The following CR1 variants were observed in gnomAD, a reference collection of about 807,000 sequenced individuals.
The protein encoded by CR1 is complement C3b/C4b receptor 1 (Knops blood group).
A neutral mutation model predicts 187.3 loss-of-function variants in CR1; 116 were observed. The observed-to-expected ratio is 0.62, with a 90% confidence interval of 0.53 to 0.72. The LOEUF (loss-of-function observed/expected upper bound fraction) is 0.72, where lower values mean the gene tolerates loss of function less well. Among genes scored for constraint, CR1 ranks in the 30% least tolerant of loss-of-function variants. The pLI, the probability that CR1 is intolerant of heterozygous loss-of-function variation, is 0.00. For synonymous variants in CR1, 576 were observed against 747.1 expected (o/e 0.77, Z 3.73); for missense variants, 1,731 against 2,110.7 (o/e 0.82, Z 3.52).
At chr1:207,591,742 A>G (rs1240310943) in intron 35 of CR1, among the ~76,000 whole-genome samples, 2 of 152,190 alleles carry the variant, frequency 1.3e-5, no homozygotes, top group Non-Finnish European at 2.9e-5. Flanking sequence ...AATAGACACA[A>G]TAAAAAATGA....
At chr1:207,591,529 G>A (rs768571918) in intron 35 of CR1, among the ~76,000 whole-genome samples, 16 of 151,942 alleles carry the variant, frequency 1.1e-4, no homozygotes, top group Non-Finnish European at 2.2e-4. Flanking sequence ...CCCTGACATC[G>A]CAATTAAAGA....
Position 207,619,960 on chromosome 1 carries a change from T to A in CR1, c.7147T>A (p.Tyr2383Asn). The A allele has an allele frequency of 6.2e-7, 1 of 1,613,130 alleles. No homozygotes were observed. The highest frequency in any genetic ancestry group is 8.5e-7 in the Non-Finnish European group (1 of 1,179,514). Reference protein sequence around the residue: ...EMKKVYHYGDYVTLKCEDGYT... With the variant: ...EMKKVYHYGDNVTLKCEDGYT... ...GAAAAAAGTATATCACTATGGAGAT[T>A]ATGTGACTTTGAAGTGTGAAGATGG... The change falls in exon 43 of 47, where the codon TAT becomes AAT. Residue 2383 changes from tyrosine to asparagine, a missense_variant. By Grantham distance (143) the Tyr-to-Asn change is moderately radical. Coordinates refer to ENST00000367049, the MANE Select transcript of CR1 (RefSeq NM_000651.6).
At position 207,565,856 on chromosome 1, in the gene CR1, C is replaced by A. The variant is rs778669699; in HGVS notation, c.3885C>A (p.Ser1295Arg). The A allele has an allele frequency of 1.9e-6, 3 of 1,610,856 alleles. No individual in the cohort carries two copies. The Admixed American group carries it at 5.0e-5, about 27-fold the overall frequency. Residue 1295 changes from serine to arginine, a missense_variant, in exon 24 of 47, where the codon AGC becomes AGA. Physicochemically the swap from Ser to Arg is moderately radical, Grantham distance 110 (BLOSUM62 -1). This residue lies in a region of CR1 where 1,312 missense variants were observed against 1,379.6 expected (regional missense o/e 0.95). Transcript: ENST00000367049. ...VCDEGFQLKG[S>R]SASYCVLAGM... ...TCTTTAGATTTCAATTAAAAGGCAG[C>A]TCTGCTAGTTATTGTGTCTTGGCTG...
chr1:207,585,302 T>C (rs1021237567), intron 33 of CR1, among the ~76,000 whole-genome samples: 2 of 152,212 alleles, frequency 1.3e-5, no homozygotes, highest in Non-Finnish European at 2.9e-5. Context: ...GTGGATATTA[T>C]TTAGCTAAGG....
intron 35 of CR1, among the ~76,000 whole-genome samples, chr1:207,593,022 A>G (rs1174771622): frequency 2.7e-5 from 4 of 147,012 alleles, no homozygotes; most frequent in Admixed American, 6.8e-5. Flanking sequence ...ATACTGCCCA[A>G]GGTAATTTAT....
chr1:207,497,153 A>C (rs1659113954), intron 1 of CR1, among the ~76,000 whole-genome samples: 2 of 152,250 alleles, frequency 1.3e-5, no homozygotes, highest in Non-Finnish European at 2.9e-5. Flanking sequence ...GAAGCCCCAG[A>C]ACATGCAATG....
chr1:207,520,150 T>G (rs1220804028), intron 4 of CR1, among the ~76,000 whole-genome samples: 1 of 152,252 alleles, frequency 6.6e-6, no homozygotes, highest in Admixed American at 6.5e-5. Flanking sequence ...TGTTTAGCTT[T>G]CTCATGCCAG....
Position 207,575,680 on chromosome 1 carries a change from C to A in CR1, c.4537C>A (p.Arg1513=), listed in dbSNP as rs374550920. 57 of 1,611,668 alleles carry A rather than the reference C, an allele frequency of 3.5e-5. No homozygotes were observed. The African/African-American group carries it at 6.3e-4, about 18-fold the overall frequency. The change falls in exon 28 of 47, where the codon CGA becomes AGA. Residue 1513 remains arginine, a splice_region_variant and synonymous_variant. Transcript: ENST00000367049. The part of the protein sequence containing the change: ...HWSTKPPICQ[R]IPCGLPPTIA... ...GAGCACGAAGCCGCCAATTTGTCAA[C>A]GTGAGTTGAAATCTCTTTCCCCATT...
chr1:207,622,933 G>A, intron 44 of CR1, 60 bp from the exon 45 acceptor site: 1 of 1,227,078 alleles, frequency 8.1e-7, no homozygotes, highest in South Asian at 1.3e-5. Context: ...TACTAAGATA[G>A]AATTTAAAAC....
At chr1:207,577,484 A>T (rs541212754) in intron 28 of CR1, among the ~76,000 whole-genome samples, 42 of 152,182 alleles carry the variant, frequency 2.8e-4, no homozygotes, top group Non-Finnish European at 8.8e-5. Context: ...ATTATTAGAA[A>T]CCAGGCTGGG....
intron 28 of CR1, among the ~76,000 whole-genome samples, chr1:207,577,263 A>AAG (rs1376949691): frequency 1.4e-5 from 2 of 146,348 alleles, no homozygotes; most frequent in African/African-American, 5.2e-5. Context: ...CAAACAAACA[A>AAG]ACAAAAAAAA....
chr1:207,632,514 C>G (rs1386372349), intron 46 of CR1, among the ~76,000 whole-genome samples: 1 of 152,110 alleles, frequency 6.6e-6, no homozygotes, highest in Admixed American at 6.5e-5. Flanking sequence ...GACGGCTGGG[C>G]GCTGTGGCTC....
chr1:207,587,589 T>C, intron 34 of CR1, 24 bp downstream of exon 34: 1 of 1,605,874 alleles, frequency 6.2e-7, no homozygotes, highest in Non-Finnish European at 8.5e-7. Context: ...CCCTGGGAAC[T>C]ACTTCATGTC....
chr1:207,628,983 T>G (rs1161804301), intron 45 of CR1, among the ~76,000 whole-genome samples: 1 of 152,236 alleles, frequency 6.6e-6, no homozygotes, highest in African/African-American at 2.4e-5. Context: ...TTAATCTCAC[T>G]GCCTTGTTAT....
chr1:207,622,952 T>C lies in CR1; in HGVS notation c.7277-41T>C, dbSNP rs754234766. The C allele has an allele frequency of 2.9e-5, 40 of 1,398,122 alleles. No homozygotes were observed. The South Asian group carries it at 4.6e-4, about 16-fold the overall frequency. The allele number at this position is 1,398,122 out of a possible 1,614,324, so 86.6% of individuals were successfully genotyped here. A position where few individuals can be genotyped will look rare whatever the true frequency, so the allele number is the denominator to read the frequency against. ...AAGATAGAATTTAAAACCTGTAAGT[T>C]ATATTTTCCATGCATTTAATTACCT... On this transcript the variant is annotated intron_variant, in intron 44 of 46. Coordinates refer to ENST00000367049, the MANE Select transcript of CR1 (RefSeq NM_000651.6).
intron 4 of CR1, among the ~76,000 whole-genome samples, chr1:207,518,763 T>C (rs575520828): frequency 1.3e-5 from 2 of 152,348 alleles, no homozygotes; most frequent in South Asian, 4.1e-4. Flanking sequence ...ACACTGGACA[T>C]GGATTTAGAG....
At chr1:207,617,596 TATATATATATATATATAGAGAGAGAG>T (rs1393658444) in intron 41 of CR1, among the ~76,000 whole-genome samples, 362 of 42,090 alleles carry the variant, frequency 8.6e-3, no homozygotes, top group Middle Eastern at 0.031. Flanking sequence ...TATATATATA[TATATATATATATATATAGAGAGAGAG>T]AGAGAGAGAG....
At chr1:207,580,638 C>T in intron 31 of CR1, 25 bp downstream of exon 31, 1 of 1,591,720 alleles carries the variant, frequency 6.3e-7, no homozygotes. Flanking sequence ...GAATTCAGAT[C>T]AGGGACTCAG....
rs191234191 is a variant in CR1 at position 207,498,865 on chromosome 1, G to T, written c.121+2477G>T. Among the ~76,000 whole-genome samples, 112 of 15,430 alleles carry T rather than the reference G, an allele frequency of 7.3e-3. No individual in the cohort carries two copies. The East Asian group carries it at 0.2, about 28-fold the overall frequency. The allele number at this position is 15,430 out of a possible 152,430, so 10.1% of individuals were successfully genotyped here. On this transcript the variant is annotated intron_variant, in intron 1 of 46. Transcript: ENST00000367049. The stretch of plus-strand genomic sequence containing the variant: ...TGCACTCCAGCCTGGGTGACAGAGC[G>T]CAACTCCAAATCAAAAAAAAAAAAA...
Sources: gnomAD v4.1 joint callset for allele counts (sites outside exome capture counted in the v4.1 genomes callset) on GRCh38, gnomAD v4.1.1 for gene constraint, gnomAD v4.1.1 regional missense constraint, MANE v1.5 for transcripts, NCBI Gene and HGNC (gene_info 2026-07-23, HGNC 2026-07-21) for gene names.